DCC: variants seen among roughly 807,000 people sequenced by gnomAD.
The protein encoded by DCC is netrin receptor DCC.
DCC carries 58 observed loss-of-function variants against 172.5 expected under a neutral mutation model. That is an observed-to-expected ratio of 0.34 (90% CI 0.27 to 0.42). DCC has a LOEUF of 0.42. Ranked by LOEUF, DCC falls within the 10% of genes least tolerant of loss-of-function variation. DCC has a pLI of 1.00. For synonymous variants in DCC, 709 were observed against 644.5 expected, an observed-to-expected ratio of 1.10 and a Z score of -1.52; for missense variants, 1,740 against 1,791.0, an observed-to-expected ratio of 0.97 and a Z score of 0.51.
chr18:52,986,501 C>T (rs1027524382), intron 5 of DCC, among the ~76,000 whole-genome samples: 46 of 152,096 alleles, frequency 3.0e-4, no homozygotes, highest in East Asian at 1.7e-3. Context: ...GTCTTAGTTT[C>T]GCCTGCTTTG....
At chr18:52,401,001 G>A (rs928995243) in intron 1 of DCC, among the ~76,000 whole-genome samples, 1 of 151,968 alleles carries the variant, frequency 6.6e-6, no homozygotes, top group Non-Finnish European at 1.5e-5. Context: ...TAGATGATGA[G>A]TTGATGGGTG....
chr18:53,152,335 T>A (rs752162992), intron 7 of DCC, among the ~76,000 whole-genome samples: 2 of 152,276 alleles, frequency 1.3e-5, no homozygotes, highest in African/African-American at 2.4e-5. Context: ...TAGAAAAAAA[T>A]TCATGTTCAT....
intron 2 of DCC, among the ~76,000 whole-genome samples, chr18:52,788,267 T>G (rs566935784): frequency 1.7e-4 from 26 of 152,326 alleles, no homozygotes; most frequent in African/African-American, 6.3e-4. Flanking sequence ...TAAAACTGTT[T>G]AGTGATTTCA....
chr18:53,358,327 A>C (rs188147313), intron 15 of DCC, among the ~76,000 whole-genome samples: 20 of 152,128 alleles, frequency 1.3e-4, no homozygotes, highest in Non-Finnish European at 1.5e-5. Flanking sequence ...CAAAACACTA[A>C]ATGAGTAAAT....
intron 7 of DCC, among the ~76,000 whole-genome samples, chr18:53,113,171 A>G (rs2043359134): frequency 6.6e-6 from 1 of 151,556 alleles, no homozygotes; most frequent in East Asian, 1.9e-4. Context: ...AATGTAAAAG[A>G]GAAGGTTAAA....
At chr18:53,354,698 T>A (rs1432067170) in intron 15 of DCC, among the ~76,000 whole-genome samples, 1 of 151,808 alleles carries the variant, frequency 6.6e-6, no homozygotes, top group Admixed American at 6.6e-5. Flanking sequence ...TTTTCTCCCA[T>A]TCTGTAGGTT....
chr18:52,967,205 C>T (rs910026955), intron 5 of DCC, among the ~76,000 whole-genome samples: 1 of 152,168 alleles, frequency 6.6e-6, no homozygotes, highest in Non-Finnish European at 1.5e-5. Flanking sequence ...GCTGTCCTGG[C>T]CTTGTTTTAA....
intron 12 of DCC, among the ~76,000 whole-genome samples, chr18:53,269,702 G>T (rs1011389652): frequency 2.0e-5 from 3 of 152,010 alleles, no homozygotes; most frequent in Non-Finnish European, 2.9e-5. Flanking sequence ...AACCCTTTTG[G>T]TAGACAAGGA....
chr18:53,273,071 C>T (rs2056766362), intron 12 of DCC, among the ~76,000 whole-genome samples: 1 of 152,050 alleles, frequency 6.6e-6, no homozygotes, highest in Admixed American at 6.6e-5. Flanking sequence ...AATAATTTAG[C>T]TTGATTATTC....
chr18:52,621,580 C>T (rs1458145089), intron 1 of DCC, among the ~76,000 whole-genome samples: 1 of 152,190 alleles, frequency 6.6e-6, no homozygotes. Context: ...GAACAACTAG[C>T]AAAGGGACTG....
chr18:53,440,728 A>C (rs1340711323), intron 22 of DCC, among the ~76,000 whole-genome samples: 1 of 152,180 alleles, frequency 6.6e-6, no homozygotes, highest in Non-Finnish European at 1.5e-5. Context: ...CTGAGGTCCT[A>C]GGTTCTAGTT....
chr18:53,317,380 G>A (rs1005837191), intron 13 of DCC, among the ~76,000 whole-genome samples: 1 of 152,150 alleles, frequency 6.6e-6, no homozygotes, highest in African/African-American at 2.4e-5. Context: ...GATTCGGTTT[G>A]CCAGTATTTT....
intron 12 of DCC, among the ~76,000 whole-genome samples, chr18:53,245,518 A>G (rs1447446120): frequency 2.0e-5 from 3 of 152,238 alleles, no homozygotes; most frequent in African/African-American, 4.8e-5. Flanking sequence ...AGAATTATGT[A>G]AGCACTGGTG....
At chr18:53,474,195 G>C (rs1179590091) in intron 25 of DCC, among the ~76,000 whole-genome samples, 2 of 152,066 alleles carry the variant, frequency 1.3e-5, no homozygotes, top group East Asian at 3.9e-4. Context: ...GTGCATATAA[G>C]AATGTGGGTT....
intron 1 of DCC, among the ~76,000 whole-genome samples, chr18:52,471,180 G>A (rs557668042): frequency 4.8e-4 from 73 of 152,136 alleles, no homozygotes; most frequent in Middle Eastern, 3.4e-3. Flanking sequence ...CCAAGACCCC[G>A]TCTCTACAAA....
intron 2 of DCC, among the ~76,000 whole-genome samples, chr18:52,883,861 C>T (rs905658829): frequency 6.6e-6 from 1 of 151,144 alleles, no homozygotes; most frequent in African/African-American, 2.4e-5. Flanking sequence ...TGAAGAAATT[C>T]CTTTAGCATT....
intron 1 of DCC, among the ~76,000 whole-genome samples, chr18:52,489,556 G>T (rs1467300370): frequency 1.3e-5 from 2 of 152,086 alleles, no homozygotes; most frequent in African/African-American, 4.8e-5. Context: ...GTAGCCGGTG[G>T]CTTGGAGAGG....
chr18:53,353,707 A>T, intron 15 of DCC, among the ~76,000 whole-genome samples: 1 of 152,194 alleles, frequency 6.6e-6, no homozygotes, highest in East Asian at 1.9e-4. Context: ...TGTATTTTTA[A>T]GGATGTTCCA....
intron 5 of DCC, among the ~76,000 whole-genome samples, chr18:52,986,940 A>G (rs2041306184): frequency 6.6e-6 from 1 of 151,820 alleles, no homozygotes; most frequent in Non-Finnish European, 1.5e-5. Context: ...TTCCTGCCTC[A>G]GCCTCCCAAG....
Sources: allele counts gnomAD v4.1 joint callset (sites outside exome capture counted in the v4.1 genomes callset), GRCh38; gene constraint gnomAD v4.1.1; transcripts MANE v1.5; gene names NCBI Gene and HGNC (gene_info 2026-07-23, HGNC 2026-07-21).